Variants in PREX1 observed in about 807,000 individuals in gnomAD.
PREX1 encodes phosphatidylinositol-3,4,5-trisphosphate dependent Rac exchange factor 1.
PREX1 carries 41 observed loss-of-function variants against 198.3 expected under a neutral mutation model. The observed-to-expected ratio is 0.21, with a 90% CI of 0.16 to 0.27. The LOEUF (loss-of-function observed/expected upper bound fraction) is 0.27. Among genes scored for constraint, PREX1 ranks in the 10% least tolerant of loss-of-function variants. The pLI is 1.00. For synonymous variants in PREX1, 843 were observed against 887.2 expected (o/e 0.95, Z 0.89); for missense variants, 1,620 against 2,200.7 (o/e 0.74, Z 5.28).
intron 11 of PREX1, among the ~76,000 whole-genome samples, chr20:48,680,492 T>G (rs2089742578): frequency 6.6e-6 from 1 of 152,100 alleles, no homozygotes; most frequent in East Asian, 1.9e-4. Flanking sequence ...GGATCTCATC[T>G]CACCTCCTGG....
intron 29 of PREX1, 82 bp downstream of exon 29, chr20:48,642,086 C>A (rs1324869812): frequency 6.3e-6 from 9 of 1,420,122 alleles, no homozygotes; most frequent in South Asian, 1.2e-5. Context: ...GAGGGCAGAG[C>A]TGAGCATTAG....
At chr20:48,734,452 G>T in intron 4 of PREX1, 94 bp downstream of exon 4, 1 of 1,061,278 alleles carries the variant, frequency 9.4e-7, no homozygotes, top group Non-Finnish European at 1.4e-6. Context: ...GAAAGGATTT[G>T]GCACCATGGG....
At position 48,658,214 on chromosome 20, in the gene PREX1, C is replaced by G. The variant is rs1241406296; in HGVS notation, c.1896G>C (p.Glu632Asp). The G allele has an allele frequency of 1.2e-6, 2 of 1,614,178 alleles. No individual in the cohort carries two copies. The highest frequency in any genetic ancestry group is 1.7e-6 in the Non-Finnish European group (2 of 1,179,998). The change falls in exon 17 of 40, where the codon GAG (glutamate) becomes GAC (aspartate). Residue 632 changes from glutamate (E) to aspartate (D), a missense_variant. Transcript: ENST00000371941. ...CCTCGATGTCAAAGCCATAGTCCTC[C>G]TCCTGGGGCAGGATCTGGGGGCCCA... The part of the protein sequence containing the change: ...LAKRLLILPQ[E>D]EDYGFDIEEK...
At chr20:48,719,969 A>G (rs957678156) in intron 5 of PREX1, among the ~76,000 whole-genome samples, 1 of 152,048 alleles carries the variant, frequency 6.6e-6, no homozygotes, top group Non-Finnish European at 1.5e-5. Flanking sequence ...ACCTGGCTCC[A>G]TTACCTCTCT....
At chr20:48,871,965 C>G in the PREX1 span, among the ~76,000 whole-genome samples, 1 of 151,962 alleles carries the variant, frequency 6.6e-6, no homozygotes, top group African/African-American at 2.4e-5. Context: ...CGAGACCATC[C>G]TGGCTAACAT....
At position 48,726,408 on chromosome 20, in the gene PREX1, G is replaced by C; in HGVS notation, c.520-17C>G. 6.3e-7 allele frequency: 1 copy of C among 1,596,856 alleles called. No homozygotes were observed. The highest frequency in any genetic ancestry group is 8.6e-7 in the Non-Finnish European group (1 of 1,167,112). Reference sequence around the variant, plus strand: ...CATGCAGCTCTGCAAAGGGACAGGAGACCTTCATGAAACCCACCAAGGATA... The same window carrying C: ...CATGCAGCTCTGCAAAGGGACAGGACACCTTCATGAAACCCACCAAGGATA... On this transcript the variant is annotated splice_polypyrimidine_tract_variant and intron_variant, in intron 4 of 39. Coordinates refer to ENST00000371941, the MANE Select transcript of PREX1 (RefSeq NM_020820.4).
At position 48,634,734 on chromosome 20, in the gene PREX1, C is replaced by T; in HGVS notation, c.4209G>A (p.Leu1403=). The part of the protein sequence containing the change: ...RTMLEDIWVT[L]SELDNVTFSF... ...AGAAGGTGACATTGTCCAGCTCTGA[C>T]AGCGTCACCCAGATGTCCTCCAGCA... is the stretch of plus-strand genomic sequence containing the variant. Residue 1403 remains leucine (L), a synonymous_variant, in exon 33 of 40, where the codon CTG becomes CTA. Coordinates refer to ENST00000371941, the MANE Select transcript of PREX1 (RefSeq NM_020820.4). 1.2e-6 allele frequency: 2 copies of T among 1,614,242 alleles called. No individual in the cohort carries two copies. Among genetic ancestry groups the T allele is most frequent in the Non-Finnish European group, 1.7e-6 (2 of 1,180,042 alleles).
chr20:48,792,399 G>A (rs1352825702), intron 1 of PREX1, among the ~76,000 whole-genome samples: 1 of 152,108 alleles, frequency 6.6e-6, no homozygotes, highest in Non-Finnish European at 1.5e-5. Flanking sequence ...GAACCCAGAA[G>A]GCAGAGGTTG....
chr20:48,714,673 T>A (rs1171986246), intron 5 of PREX1, among the ~76,000 whole-genome samples: 1 of 152,224 alleles, frequency 6.6e-6, no homozygotes, highest in African/African-American at 2.4e-5. Flanking sequence ...TATAAAATGC[T>A]GCAGCAGCTT....
chr20:48,759,054 G>A (rs13045364), intron 1 of PREX1, among the ~76,000 whole-genome samples: 51,607 of 151,838 alleles, frequency 0.34, 10,244 homozygotes, highest in Non-Finnish European at 0.43. Context: ...TTGCTAGAAG[G>A]GCACTGTATC....
chr20:48,764,794 AAAAGAAAG>A (rs1215522946), intron 1 of PREX1, among the ~76,000 whole-genome samples: 4 of 148,256 alleles, frequency 2.7e-5, no homozygotes, highest in East Asian at 2.0e-4. Flanking sequence ...AAAAAAAAAA[AAAAGAAAG>A]AAAGAAAGAA....
At chr20:48,631,819 T>C (rs1019156297) in intron 35 of PREX1, among the ~76,000 whole-genome samples, 2 of 152,078 alleles carry the variant, frequency 1.3e-5, no homozygotes, top group African/African-American at 4.8e-5. Context: ...CTCCTGGTGA[T>C]ACCTGGCTCC....
At position 48,827,308 on chromosome 20, in the gene PREX1, C is replaced by T. The variant is rs2090513669; in HGVS notation, c.219+334G>A. Among the ~76,000 whole-genome samples the T allele has an allele frequency of 6.6e-6, 1 of 152,238 alleles. No individual in the cohort carries two copies. The highest frequency in any genetic ancestry group is 2.1e-4 in the South Asian group (1 of 4,830). The stretch of plus-strand genomic sequence containing the variant: ...ACGCAGGAGCGCCAGCTCCCGGCGC[C>T]GCCGGGGTCCCCAAGCCCCTGCATC... On this transcript the variant is annotated intron_variant, in intron 1 of 39. Coordinates refer to ENST00000371941, the MANE Select transcript of PREX1 (RefSeq NM_020820.4). The surrounding 1 kb of genome is among the most constrained non-coding windows in gnomAD (Gnocchi z 4.1).
At chr20:48,793,467 T>C (rs899392768) in intron 1 of PREX1, among the ~76,000 whole-genome samples, 6 of 152,222 alleles carry the variant, frequency 3.9e-5, no homozygotes, top group South Asian at 2.1e-4. Context: ...ACCTATGAGA[T>C]AGGCATTCTT....
rs187873462 is a variant in PREX1 at position 48,773,709 on chromosome 20, G to A, written c.220-25829C>T. 1.4e-3 allele frequency among the ~76,000 whole-genome samples: 210 copies of A among 152,316 alleles called. 2 individuals carry two copies. Among genetic ancestry groups the A allele is most frequent in the African/African-American group, 4.9e-3 (202 of 41,570 alleles). On this transcript the variant is annotated intron_variant, in intron 1 of 39. Coordinates refer to ENST00000371941, the MANE Select transcript of PREX1 (RefSeq NM_020820.4). ...GAGAGCAGGAAGAAACGAGGCAAGA[G>A]ACTTAACCAGGAGCCAGAATGTGCA...
intron 1 of PREX1, among the ~76,000 whole-genome samples, chr20:48,751,566 GCTTTTCCA>G (rs2090134299): frequency 1.3e-5 from 2 of 152,222 alleles, no homozygotes; most frequent in Non-Finnish European, 2.9e-5. Context: ...GGCACGACTG[GCTTTTCCA>G]GGCAGCACGG....
the PREX1 span, among the ~76,000 whole-genome samples, chr20:48,834,914 G>A: frequency 6.6e-6 from 1 of 152,102 alleles, no homozygotes; most frequent in East Asian, 1.9e-4. Context: ...CTGCCACCAC[G>A]CCCAGGTAAT....
intron 21 of PREX1, among the ~76,000 whole-genome samples, chr20:48,652,369 G>C (rs980710974): frequency 6.6e-6 from 1 of 152,114 alleles, no homozygotes; most frequent in African/African-American, 2.4e-5. Context: ...GAACCAGGGA[G>C]GTTGGGGCTG....
intron 5 of PREX1, among the ~76,000 whole-genome samples, chr20:48,715,572 T>C (rs1260746064): frequency 6.6e-6 from 1 of 152,260 alleles, no homozygotes; most frequent in East Asian, 1.9e-4. Flanking sequence ...GCCAAGTGTG[T>C]GCATCTGTGA....
Sources: allele counts gnomAD v4.1 joint callset (sites outside exome capture counted in the v4.1 genomes callset), GRCh38; gene constraint gnomAD v4.1.1; non-coding constraint Gnocchi (gnomAD v3.1); transcripts MANE v1.5; gene names NCBI Gene and HGNC (gene_info 2026-07-23, HGNC 2026-07-21).